Variants in NID1 observed in about 807,000 individuals in gnomAD.
NID1 encodes nidogen-1.
NID1 carries 76 observed loss-of-function variants against 130.6 expected under a neutral mutation model. That is an observed-to-expected ratio of 0.58 (90% CI 0.48 to 0.70). The LOEUF (loss-of-function observed/expected upper bound fraction) is 0.70, where lower values mean the gene tolerates loss of function less well. Among genes scored for constraint, NID1 ranks in the 30% least tolerant of loss-of-function variants. The pLI is 0.00. For missense variants in NID1, 1,517 were observed against 1,664.8 expected (o/e 0.91, Z 1.54); for synonymous variants, 665 against 675.1 (o/e 0.98, Z 0.23).
At chr1:235,983,074 C>A (rs1657483644) in intron 15 of NID1, among the ~76,000 whole-genome samples, 1 of 152,164 alleles carries the variant, frequency 6.6e-6, no homozygotes, top group Admixed American at 6.5e-5. Flanking sequence ...AGGGTTTCAC[C>A]ATGTTGGCCA....
At chr1:236,057,886 G>C (rs1659940437) in intron 1 of NID1, among the ~76,000 whole-genome samples, 1 of 151,916 alleles carries the variant, frequency 6.6e-6, no homozygotes, top group African/African-American at 2.4e-5. Context: ...TCCCAACCAG[G>C]GTTTATCACA....
chr1:236,054,749 C>G lies in NID1; in HGVS notation c.226-5760G>C, dbSNP rs141230722. Among the ~76,000 whole-genome samples, 904 of 151,700 alleles carry G rather than the reference C, an allele frequency of 6.0e-3. 7 individuals carry two copies. Among genetic ancestry groups the G allele is most frequent in the Non-Finnish European group, 9.3e-3 (632 of 67,928 alleles). ...CTCTATCTCCTGGATTCAAGCAATT[C>G]TCCTGCCTCAGCCTCCCGAGTAGCT... On this transcript the variant is annotated intron_variant, in intron 1 of 19. Coordinates refer to ENST00000264187, the MANE Select transcript of NID1 (RefSeq NM_002508.3).
intron 3 of NID1, among the ~76,000 whole-genome samples, chr1:236,042,562 C>A (rs1327337412): frequency 2.0e-5 from 3 of 152,202 alleles, no homozygotes; most frequent in Non-Finnish European, 4.4e-5. Context: ...GGGACACTAT[C>A]AGGACTTAAA....
At chr1:235,981,199 T>C (rs1657425719) in intron 16 of NID1, among the ~76,000 whole-genome samples, 1 of 152,212 alleles carries the variant, frequency 6.6e-6, no homozygotes, top group African/African-American at 2.4e-5. Flanking sequence ...AAAGCATGGA[T>C]GTGCCGAAGA....
rs1050719097 is a variant in NID1 at position 236,029,418 on chromosome 1, T to C, written c.1738+132A>G. ...CCTATGTCTATAATTGAGGGGAAGG[T>C]GACTGTAAGGCCCGGTGTATTTCCC... On this transcript the variant is annotated intron_variant, in intron 7 of 19. Coordinates refer to ENST00000264187, the MANE Select transcript of NID1 (RefSeq NM_002508.3). 5 of 822,066 alleles carry C rather than the reference T, an allele frequency of 6.1e-6. No homozygotes were observed. The African/African-American group carries it at 6.8e-5, about 11-fold the overall frequency. The allele number at this position is 822,066 out of a possible 1,614,324, so 50.9% of individuals were successfully genotyped here.
Position 236,048,748 on chromosome 1 carries a change from G to A in NID1, c.467C>T (p.Thr156Ile). 6.2e-7 allele frequency: 1 copy of A among 1,613,140 alleles called. No individual in the cohort carries two copies. The highest frequency in any genetic ancestry group is 8.5e-7 in the Non-Finnish European group (1 of 1,180,026). ...SFQPSSAVVV[T>I]WESVAPYQGP... is the part of the protein sequence containing the mutation. Reference sequence around the variant, plus strand: ...TTGGTAGGGGGCCACGGATTCCCAAGTGACAACCACCGCGCTACTAGGCTG... The same window carrying A: ...TTGGTAGGGGGCCACGGATTCCCAAATGACAACCACCGCGCTACTAGGCTG... The change falls in exon 2 of 20, where the codon ACT becomes ATT. Residue 156 changes from threonine (T) to isoleucine (I), a missense_variant. By Grantham distance (89) the Thr-to-Ile change is moderately conservative (BLOSUM62 -1). Transcript: ENST00000264187.
chr1:235,979,110 A>G lies in NID1; in HGVS notation c.3510-3T>C, dbSNP rs1459763322. ...GATCGAGAGCAACCACGGAATTCCT[A>G]CAAAGCACCAAAGGGCAGAAGGTGA... On this transcript the variant is annotated splice_region_variant and splice_polypyrimidine_tract_variant and intron_variant, in intron 18 of 19. Coordinates refer to ENST00000264187, the MANE Select transcript of NID1 (RefSeq NM_002508.3). This position sits in a 1 kb window ranked among gnomAD's most constrained non-coding sequence, Gnocchi z 4.6. The G allele has an allele frequency of 6.3e-7, 1 of 1,599,180 alleles. No individual in the cohort carries two copies. The highest frequency in any genetic ancestry group is 1.7e-5 in the Admixed American group (1 of 59,998).
At chr1:235,984,980 G>C (rs1259116847) in intron 15 of NID1, among the ~76,000 whole-genome samples, 1 of 152,100 alleles carries the variant, frequency 6.6e-6, no homozygotes, top group Admixed American at 6.5e-5. Flanking sequence ...ACGAGGTCAG[G>C]AGATAGAGAC....
At chr1:235,992,314 T>C (rs1657773628) in intron 13 of NID1, among the ~76,000 whole-genome samples, 1 of 152,168 alleles carries the variant, frequency 6.6e-6, no homozygotes, top group Admixed American at 6.5e-5. Context: ...TCCATCCGTT[T>C]CTCACCTGGA....
At chr1:236,044,463 G>A (rs1659542020) in intron 3 of NID1, among the ~76,000 whole-genome samples, 1 of 152,054 alleles carries the variant, frequency 6.6e-6, no homozygotes, top group Admixed American at 6.6e-5. Context: ...CATGTTTTCT[G>A]AACTCTTCAA....
intron 19 of NID1, 45 bp downstream of exon 19, chr1:235,978,950 C>G: frequency 7.4e-7 from 1 of 1,353,724 alleles, no homozygotes; most frequent in South Asian, 1.2e-5. Context: ...CTCTGAGCCT[C>G]CATGTGCCCC....
At chr1:235,981,455 C>T (rs78407218) in intron 16 of NID1, among the ~76,000 whole-genome samples, 156 bp downstream of exon 16, 2,752 of 152,294 alleles carry the variant, frequency 0.018, 36 homozygotes, top group Middle Eastern at 0.031. Flanking sequence ...GGCATTGTAC[C>T]GTGGATATCT....
chr1:235,980,363 G>A lies in NID1; in HGVS notation c.3385+133C>T, dbSNP rs902095738. 5.3e-5 allele frequency: 46 copies of A among 869,196 alleles called. 1 individual carries two copies. The South Asian group carries it at 5.8e-4, about 11-fold the overall frequency. The allele number at this position is 869,196 out of a possible 1,614,324, so 53.8% of individuals were successfully genotyped here. On this transcript the variant is annotated intron_variant, in intron 17 of 19. Coordinates refer to ENST00000264187, the MANE Select transcript of NID1 (RefSeq NM_002508.3). The stretch of plus-strand genomic sequence containing the variant: ...TATATTTAATGTACCAGATAAAACC[G>A]TAAAAACCATTCATAGCTTCTGGGT...
chr1:235,979,855 T>G lies in NID1; in HGVS notation c.3476A>C (p.Tyr1159Ser). 1 of 1,614,086 alleles carries G rather than the reference T, an allele frequency of 6.2e-7. No homozygotes were observed. Among genetic ancestry groups the G allele is most frequent in the Non-Finnish European group, 8.5e-7 (1 of 1,179,960 alleles). Reference sequence around the variant, plus strand: ...GTCTGTGAAATACAGATTCTTCCCGTAGCTCGTCACAGCAAAAGGATACTG... The same window carrying G: ...GTCTGTGAAATACAGATTCTTCCCGGAGCTCGTCACAGCAAAAGGATACTG... ...GLQYPFAVTSYGKNLYFTDWK... is the reference protein window; with the variant it reads ...GLQYPFAVTSSGKNLYFTDWK... The change falls in exon 18 of 20, where the codon TAC becomes TCC. Residue 1159 changes from tyrosine to serine, a missense_variant. This residue lies in a region of NID1 where 181 missense variants were observed against 211.3 expected (regional missense o/e 0.86). Transcript: ENST00000264187. This position sits in a 1 kb window ranked among gnomAD's most constrained non-coding sequence, Gnocchi z 4.6.
In NID1 at chr1:235,996,895, C is replaced by T. The variant is rs570234361; in HGVS notation, c.2528-3023G>A. On this transcript the variant is annotated intron_variant, in intron 12 of 19. Transcript: ENST00000264187. ...TGTTGCCTGGGCTGGAGTGCAGTGG[C>T]GCGATCTCGGCTCACTGCAAACTCT... Among the ~76,000 whole-genome samples the T allele has an allele frequency of 3.5e-3, 525 of 152,038 alleles. 4 individuals are homozygous for T. The highest frequency in any genetic ancestry group is 0.012 in the African/African-American group (510 of 41,434).
intron 1 of NID1, among the ~76,000 whole-genome samples, chr1:236,055,721 G>T (rs1314541758): frequency 6.6e-6 from 1 of 151,870 alleles, no homozygotes; most frequent in Non-Finnish European, 1.5e-5. Flanking sequence ...GCAAAGAAAG[G>T]CAAATGGCTC....
chr1:236,043,174 G>A (rs1659504260), intron 3 of NID1, among the ~76,000 whole-genome samples: 1 of 152,098 alleles, frequency 6.6e-6, no homozygotes, highest in African/African-American at 2.4e-5. Flanking sequence ...AGAATGAACT[G>A]GTAATAGTGA....
chr1:236,001,649 T>A (rs1658079297), intron 12 of NID1, among the ~76,000 whole-genome samples: 1 of 152,172 alleles, frequency 6.6e-6, no homozygotes. Flanking sequence ...TCTCTTCATG[T>A]CCCTTCCCAA....
At chr1:235,998,675 C>CA (rs35124724) in intron 12 of NID1, among the ~76,000 whole-genome samples, 31,588 of 144,708 alleles carry the variant, frequency 0.22, 3,771 homozygotes, top group East Asian at 0.56. Flanking sequence ...AACTCTGTCT[C>CA]AAAAAAAAAA....
Sources: gnomAD v4.1 joint callset for allele counts (sites outside exome capture counted in the v4.1 genomes callset) on GRCh38, gnomAD v4.1.1 for gene constraint, gnomAD v4.1.1 regional missense constraint, Gnocchi (gnomAD v3.1) non-coding constraint, MANE v1.5 for transcripts, NCBI Gene and HGNC (gene_info 2026-07-23, HGNC 2026-07-21) for gene names.